The following ZBTB7C variants were observed in gnomAD, a reference collection of about 807,000 sequenced individuals.
The protein encoded by ZBTB7C is zinc finger and BTB domain-containing protein 7C.
In ZBTB7C, 8 loss-of-function variants were observed where a neutral mutation model predicts 25.7. The ratio of observed to expected loss-of-function variants is 0.31; its 90% CI spans 0.18 to 0.56. The LOEUF is 0.56. Ranked by LOEUF, ZBTB7C falls within the 20% of genes least tolerant of loss-of-function variation. The pLI, the probability that ZBTB7C is intolerant of heterozygous loss-of-function variation, is 0.91. For synonymous variants in ZBTB7C, 394 were observed against 369.0 expected (o/e 1.07, Z -0.78); for missense variants, 824 against 855.2 (o/e 0.96, Z 0.46).
chr18:48,046,820 T>C (rs1231258587), intron 3 of ZBTB7C, among the ~76,000 whole-genome samples: 1 of 152,218 alleles, frequency 6.6e-6, no homozygotes, highest in Non-Finnish European at 1.5e-5. Flanking sequence ...TTCTCTGGAC[T>C]TCTGTCTCAT....
At chr18:48,265,408 C>T (rs535661974) in intron 2 of ZBTB7C, among the ~76,000 whole-genome samples, 4 of 152,322 alleles carry the variant, frequency 2.6e-5, no homozygotes, top group Admixed American at 2.6e-4. Flanking sequence ...GAAGCTAGAA[C>T]ACGGGAGTTC....
Position 48,029,368 on chromosome 18 carries a change from C to A in ZBTB7C, c.1752G>T (p.Ala584=). The A allele has an allele frequency of 2.6e-6, 4 of 1,549,258 alleles. No homozygotes were observed. In the South Asian group the frequency reaches 3.5e-5, roughly 14 times the overall value. Residue 584 remains alanine, a synonymous_variant, in exon 5 of 5, where the codon GCG becomes GCT. Transcript: ENST00000590800. ...LAFALAENVA[A]ARPYFPLPDP... is the part of the protein sequence containing the mutation. ...CGGGCAGCGGGAAGTAGGGCCGCGC[C>A]GCCGCCACGTTCTCGGCCAGCGCGA...
At chr18:48,389,230 CTCTCTCGTGT>C (rs1197542101) in intron 1 of ZBTB7C, among the ~76,000 whole-genome samples, 321 of 78,510 alleles carry the variant, frequency 4.1e-3, no homozygotes, top group African/African-American at 8.2e-3. Context: ...CTCTCTCTCT[CTCTCTCGTGT>C]GTGTGTGTGT....
chr18:48,293,243 A>C (rs1409847325), intron 2 of ZBTB7C, among the ~76,000 whole-genome samples: 1 of 152,228 alleles, frequency 6.6e-6, no homozygotes. Flanking sequence ...GTTACTGCTC[A>C]TGTCCTCACT....
chr18:48,053,103 G>C (rs1030574453), intron 3 of ZBTB7C, among the ~76,000 whole-genome samples: 2 of 152,232 alleles, frequency 1.3e-5, no homozygotes, highest in African/African-American at 4.8e-5. Context: ...ACCACAGTGA[G>C]TAGAGTGATG....
At chr18:48,192,944 TAAATA>T (rs1167051892) in intron 2 of ZBTB7C, among the ~76,000 whole-genome samples, 1 of 151,724 alleles carries the variant, frequency 6.6e-6, no homozygotes, top group Non-Finnish European at 1.5e-5. Flanking sequence ...AAAACTGCTC[TAAATA>T]ATAAAGTTTC....
intron 2 of ZBTB7C, among the ~76,000 whole-genome samples, chr18:48,246,501 T>C (rs2043699371): frequency 6.6e-6 from 1 of 151,702 alleles, no homozygotes; most frequent in African/African-American, 2.4e-5. Context: ...AATAATTGTA[T>C]ACACCTGTTA....
Position 48,040,216 on chromosome 18 carries a change from G to A in ZBTB7C, c.892C>T (p.Pro298Ser), listed in dbSNP as rs201422573. 1.3e-6 allele frequency: 2 copies of A among 1,572,168 alleles called. No homozygotes were observed. Among genetic ancestry groups the A allele is most frequent in the East Asian group, 2.2e-5 (1 of 44,692 alleles). The change falls in exon 4 of 5, where the codon CCC (proline) becomes TCC (serine). Residue 298 changes from proline (P) to serine (S), a missense_variant. Coordinates refer to ENST00000590800, the MANE Select transcript of ZBTB7C (RefSeq NM_001318841.2). ...GGGAAGGGTGGCGGTGGGGGTGGGG[G>A]CAGCTCCTCCTTCTCCTCCTCCTTG... ...KIKEEEKEELPPPPPPPFPND... is the reference protein window; with the variant it reads ...KIKEEEKEELSPPPPPPFPND...
At chr18:48,294,995 G>A (rs1292164060) in intron 2 of ZBTB7C, among the ~76,000 whole-genome samples, 1 of 151,914 alleles carries the variant, frequency 6.6e-6, no homozygotes, top group Non-Finnish European at 1.5e-5. Context: ...TCCCTGCTTG[G>A]GGCATCCTGC....
intron 2 of ZBTB7C, among the ~76,000 whole-genome samples, chr18:48,312,994 CA>C (rs2045859188): frequency 6.6e-6 from 1 of 152,212 alleles, no homozygotes; most frequent in Admixed American, 6.5e-5. Context: ...TTCCTATTGT[CA>C]TCAACTCATC....
chr18:48,036,390 C>G (rs1409011181), intron 4 of ZBTB7C, among the ~76,000 whole-genome samples: 1 of 152,106 alleles, frequency 6.6e-6, no homozygotes, highest in African/African-American at 2.4e-5. Flanking sequence ...ATTCTGGGAG[C>G]TGGCATCTGG....
intron 2 of ZBTB7C, among the ~76,000 whole-genome samples, chr18:48,232,991 G>C (rs558137251): frequency 8.3e-4 from 127 of 152,302 alleles, no homozygotes; most frequent in African/African-American, 3.0e-3. Flanking sequence ...CAGTATATAA[G>C]AGTACAGGTT....
chr18:48,040,276 C>T lies in ZBTB7C; in HGVS notation c.832G>A (p.Gly278Arg). ...TTCTTGATGACCAGATCCAGTGGCC[C>T]ACTGTCCATGGGCTGCTCAGGCAGC... ...AQLPEQPMDSGPLDLVIKNRK... is the reference protein window; with the variant it reads ...AQLPEQPMDSRPLDLVIKNRK... Residue 278 changes from glycine (G) to arginine (R), a missense_variant, in exon 4 of 5, where the codon GGG becomes AGG. This residue lies in a region of ZBTB7C where 316 missense variants were observed against 299.2 expected (regional missense o/e 1.06). Coordinates refer to ENST00000590800, the MANE Select transcript of ZBTB7C (RefSeq NM_001318841.2). 1.3e-6 allele frequency: 2 copies of T among 1,562,430 alleles called. No homozygotes were observed. The highest frequency in any genetic ancestry group is 1.2e-5 in the South Asian group (1 of 81,776).
At chr18:48,180,176 C>T (rs540677340) in intron 3 of ZBTB7C, among the ~76,000 whole-genome samples, 2 of 137,838 alleles carry the variant, frequency 1.5e-5, no homozygotes, top group East Asian at 5.0e-4. Flanking sequence ...TTCCTTCCTT[C>T]CTCCCTTCCC....
At chr18:48,137,758 T>G (rs1297462624) in intron 3 of ZBTB7C, among the ~76,000 whole-genome samples, 1 of 152,132 alleles carries the variant, frequency 6.6e-6, no homozygotes, top group African/African-American at 2.4e-5. Context: ...CCCCTTCCCC[T>G]CGAACAAACA....
intron 2 of ZBTB7C, among the ~76,000 whole-genome samples, chr18:48,317,615 G>T (rs2045980317): frequency 6.6e-6 from 1 of 152,172 alleles, no homozygotes; most frequent in African/African-American, 2.4e-5. Context: ...CCTCCTAGGT[G>T]GCTGCCACGT....
intron 3 of ZBTB7C, among the ~76,000 whole-genome samples, chr18:48,139,369 A>T (rs543177337): frequency 2.6e-5 from 4 of 152,132 alleles, no homozygotes; most frequent in African/African-American, 9.7e-5. Flanking sequence ...GCACCTTTTC[A>T]AACCCAGCTG....
chr18:48,228,375 C>T (rs2043159372), intron 2 of ZBTB7C, among the ~76,000 whole-genome samples: 3 of 152,166 alleles, frequency 2.0e-5, no homozygotes, highest in African/African-American at 7.2e-5. Context: ...CTGCCTCTGG[C>T]CAGGAGGATG....
At chr18:48,382,734 G>A (rs535633540) in intron 1 of ZBTB7C, among the ~76,000 whole-genome samples, 1 of 152,188 alleles carries the variant, frequency 6.6e-6, no homozygotes, top group Non-Finnish European at 1.5e-5. Flanking sequence ...TACTAAGTAT[G>A]CATAACTCCA....
Sources: gnomAD v4.1 joint callset for allele counts (sites outside exome capture counted in the v4.1 genomes callset) on GRCh38, gnomAD v4.1.1 for gene constraint, gnomAD v4.1.1 regional missense constraint, MANE v1.5 for transcripts, NCBI Gene and HGNC (gene_info 2026-07-23, HGNC 2026-07-21) for gene names.